Variants in HCRTR2 observed in about 807,000 individuals in gnomAD.
HCRTR2 encodes the protein orexin receptor type 2.
A neutral mutation model predicts 49.0 loss-of-function variants in HCRTR2; 22 were observed. The ratio of observed to expected loss-of-function variants is 0.45; its 90% CI spans 0.32 to 0.64. The LOEUF is 0.64. Ranked by LOEUF, HCRTR2 falls within the 30% of genes least tolerant of loss-of-function variation. HCRTR2 has a pLI of 0.04. For synonymous variants in HCRTR2, 236 were observed against 205.3 expected, an observed-to-expected ratio of 1.15 and a Z score of -1.28; for missense variants, 491 against 559.4, an observed-to-expected ratio of 0.88 and a Z score of 1.23.
At chr6:55,121,454 A>C (rs1048789063) in intron 1 of HCRTR2, among the ~76,000 whole-genome samples, 1 of 152,114 alleles carries the variant, frequency 6.6e-6, no homozygotes, top group African/African-American at 2.4e-5. Context: ...TTCTTAACTG[A>C]ATATGCTTTA....
intron 1 of HCRTR2, among the ~76,000 whole-genome samples, chr6:55,210,154 T>C (rs1359441870): frequency 6.6e-6 from 1 of 152,148 alleles, no homozygotes; most frequent in African/African-American, 2.4e-5. Context: ...ATAAAAGTCA[T>C]ATATAAAAAG....
intron 4 of HCRTR2, among the ~76,000 whole-genome samples, chr6:55,274,661 G>A (rs1274596565): frequency 6.6e-6 from 1 of 151,874 alleles, no homozygotes; most frequent in Non-Finnish European, 1.5e-5. Context: ...TTTTTTGAGT[G>A]GTAAGCCAAC....
intron 1 of HCRTR2, among the ~76,000 whole-genome samples, chr6:55,150,255 C>T (rs567548567): frequency 3.9e-5 from 6 of 151,924 alleles, no homozygotes; most frequent in African/African-American, 7.2e-5. Flanking sequence ...TTGTCACCAC[C>T]GTCAAATCCA....
intron 1 of HCRTR2, among the ~76,000 whole-genome samples, chr6:55,145,039 T>A (rs1764560025): frequency 6.6e-6 from 1 of 152,212 alleles, no homozygotes; most frequent in South Asian, 2.1e-4. Flanking sequence ...CCGTCTACTT[T>A]GTTGCTTCTT....
At chr6:55,126,348 A>G (rs1178598589) in intron 1 of HCRTR2, among the ~76,000 whole-genome samples, 1 of 152,126 alleles carries the variant, frequency 6.6e-6, no homozygotes, top group Non-Finnish European at 1.5e-5. Flanking sequence ...TCCTTCTAAC[A>G]GTCAGGCCCC....
intron 1 of HCRTR2, among the ~76,000 whole-genome samples, chr6:55,149,107 GC>G (rs905127774): frequency 6.6e-6 from 1 of 151,944 alleles, no homozygotes; most frequent in African/African-American, 2.4e-5. Context: ...AAAAAAGTAA[GC>G]TTTCCCACCA....
At chr6:55,221,625 A>T (rs1207874970) in intron 1 of HCRTR2, among the ~76,000 whole-genome samples, 1 of 151,918 alleles carries the variant, frequency 6.6e-6, no homozygotes, top group Non-Finnish European at 1.5e-5. Flanking sequence ...CATCCTGGCT[A>T]ACACAGTGAA....
In HCRTR2 at chr6:55,231,955, C is replaced by T. The variant is rs150949914; in HGVS notation, c.224-16684C>T. Among the ~76,000 whole-genome samples, 608 of 152,274 alleles carry T rather than the reference C, an allele frequency of 4.0e-3. 4 individuals are homozygous for T. The highest frequency in any genetic ancestry group is 7.1e-3 in the Non-Finnish European group (486 of 68,006). On this transcript the variant is annotated intron_variant, in intron 1 of 6. Coordinates refer to ENST00000370862, the MANE Select transcript of HCRTR2 (RefSeq NM_001384272.1). ...CTCATCTCCATCCACCTCACTCCTC[C>T]TGCTGTGATCAGTCTCTCCGTTTTT...
At chr6:55,142,247 A>G (rs1382065600) in intron 1 of HCRTR2, among the ~76,000 whole-genome samples, 1 of 151,852 alleles carries the variant, frequency 6.6e-6, no homozygotes, top group Admixed American at 6.6e-5. Context: ...CCCAGGCTAG[A>G]GTGCAGTGGC....
chr6:55,194,042 G>A lies in HCRTR2; in HGVS notation c.223+19232G>A, dbSNP rs187856967. On this transcript the variant is annotated intron_variant, in intron 1 of 6. Coordinates refer to ENST00000370862, the MANE Select transcript of HCRTR2 (RefSeq NM_001384272.1). The stretch of plus-strand genomic sequence containing the variant: ...TAAAAATGTTTTGTTTCATTTGTCT[G>A]AATTCCCATTCTTTCCCGTGATCAT... Among the ~76,000 whole-genome samples, 6 of 152,016 alleles carry A rather than the reference G, an allele frequency of 3.9e-5. No homozygotes were observed. The East Asian group carries it at 1.2e-3, about 29-fold the overall frequency.
chr6:55,198,538 G>C (rs1273635145), intron 1 of HCRTR2, among the ~76,000 whole-genome samples: 2 of 151,992 alleles, frequency 1.3e-5, no homozygotes, highest in Admixed American at 6.6e-5. Flanking sequence ...ATCACGACTT[G>C]GGCATACTAG....
intron 1 of HCRTR2, among the ~76,000 whole-genome samples, chr6:55,166,700 G>A (rs994775574): frequency 1.3e-5 from 2 of 151,978 alleles, no homozygotes; most frequent in African/African-American, 2.4e-5. Flanking sequence ...CAACTCCCAG[G>A]CATGCACCCA....
intron 1 of HCRTR2, among the ~76,000 whole-genome samples, chr6:55,199,627 G>A (rs529804302): frequency 3.3e-5 from 5 of 152,132 alleles, no homozygotes; most frequent in South Asian, 2.1e-4. Context: ...ATGCAGTTAT[G>A]CATTTATCTC....
At chr6:55,139,056 G>A (rs1375611689) in intron 1 of HCRTR2, among the ~76,000 whole-genome samples, 1 of 152,134 alleles carries the variant, frequency 6.6e-6, no homozygotes, top group Non-Finnish European at 1.5e-5. Context: ...TTTGTGTCTG[G>A]AAGGAGAAAG....
intron 1 of HCRTR2, among the ~76,000 whole-genome samples, chr6:55,212,587 T>C (rs1447743501): frequency 1.3e-5 from 2 of 152,174 alleles, no homozygotes; most frequent in Non-Finnish European, 2.9e-5. Flanking sequence ...GGCGTGGAAG[T>C]AGTTGTGAGA....
At chr6:55,144,170 T>C (rs1454748199) in intron 1 of HCRTR2, among the ~76,000 whole-genome samples, 1 of 144,318 alleles carries the variant, frequency 6.9e-6, no homozygotes, top group Non-Finnish European at 1.5e-5. Flanking sequence ...TGGAGTCCAA[T>C]GGCGCGATCT....
At chr6:55,241,312 A>G (rs1002145542) in intron 1 of HCRTR2, among the ~76,000 whole-genome samples, 1 of 152,130 alleles carries the variant, frequency 6.6e-6, no homozygotes, top group African/African-American at 2.4e-5. Context: ...TCAAATAAAT[A>G]TACTCAGTTC....
At chr6:55,172,244 A>G (rs1347885659), upstream of HCRTR2, among the ~76,000 whole-genome samples, 2 of 152,166 alleles carry the variant, frequency 1.3e-5, no homozygotes, top group Admixed American at 6.5e-5. Context: ...CTTATATATC[A>G]TCTCTTAATA....
intron 1 of HCRTR2, among the ~76,000 whole-genome samples, chr6:55,245,398 TAC>T (rs549987888): frequency 0.039 from 5,464 of 140,466 alleles, 166 homozygotes; most frequent in Middle Eastern, 0.083. Context: ...TATATATATA[TAC>T]ACACACACAC....
Sources: gnomAD v4.1 joint callset for allele counts (sites outside exome capture counted in the v4.1 genomes callset) on GRCh38, gnomAD v4.1.1 for gene constraint, MANE v1.5 for transcripts, NCBI Gene and HGNC (gene_info 2026-07-23, HGNC 2026-07-21) for gene names.